The following HSD17B4 variants were observed in gnomAD, a reference collection of about 807,000 sequenced individuals.
HSD17B4 encodes peroxisomal multifunctional enzyme type 2.
In HSD17B4, 70 loss-of-function variants were observed where a neutral mutation model predicts 101.0. That is an observed-to-expected ratio of 0.69 (90% CI 0.57 to 0.85). The LOEUF is 0.85. Ranked by LOEUF, HSD17B4 falls within the 40% of genes least tolerant of loss-of-function variation. HSD17B4 has a pLI of 0.00. For missense variants in HSD17B4, 984 were observed against 892.4 expected (o/e 1.10, Z -1.31); for synonymous variants, 347 against 297.1 (o/e 1.17, Z -1.73).
chr5:119,485,738 T>G (rs1749560219), intron 8 of HSD17B4, among the ~76,000 whole-genome samples: 1 of 152,184 alleles, frequency 6.6e-6, no homozygotes, highest in African/African-American at 2.4e-5. Flanking sequence ...TGAAAAATAA[T>G]GTGTATAACT....
At chr5:119,531,512 G>T (rs1013472481) in intron 22 of HSD17B4, 108 bp downstream of exon 22, 2 of 1,150,746 alleles carry the variant, frequency 1.7e-6, no homozygotes, top group Non-Finnish European at 1.3e-6. Flanking sequence ...ACCTTTTTAG[G>T]TAAGTTTTTT....
At chr5:119,535,177 G>A (rs1442658404) in intron 22 of HSD17B4, among the ~76,000 whole-genome samples, 2 of 151,864 alleles carry the variant, frequency 1.3e-5, no homozygotes, top group African/African-American at 4.8e-5. Context: ...TATGCTACTA[G>A]CATTTTCTAA....
At chr5:119,489,129 A>G in intron 8 of HSD17B4, 63 bp from the exon 9 acceptor site, 2 of 1,121,788 alleles carry the variant, frequency 1.8e-6, no homozygotes, top group East Asian at 2.4e-5. Context: ...CTATAATTTT[A>G]TAAGTAAGAA....
rs1754064348 is a variant in HSD17B4, at chr5:119,531,208, T to C, written c.1855-58T>C. 2.5e-6 allele frequency: 4 copies of C among 1,577,148 alleles called. 1 individual carries two copies. The highest frequency in any genetic ancestry group is 3.5e-6 in the Non-Finnish European group (4 of 1,147,160). ...TTTTTTGCACATGTTTTATAATCAC[T>C]TTTCTCCATGAGTTATTTTTACAGA... On this transcript the variant is annotated intron_variant, in intron 21 of 23. Transcript: ENST00000510025.
chr5:119,455,583 T>TATATATATAA (rs977188974), intron 1 of HSD17B4, among the ~76,000 whole-genome samples: 1 of 150,598 alleles, frequency 6.6e-6, no homozygotes, highest in African/African-American at 2.4e-5. Context: ...TATATATATA[T>TATATATATAA]AATTTCTTTT....
intron 11 of HSD17B4, among the ~76,000 whole-genome samples, chr5:119,494,738 G>A (rs542539952): frequency 1.3e-5 from 2 of 152,196 alleles, no homozygotes; most frequent in East Asian, 3.9e-4. Flanking sequence ...ACTGTATCTT[G>A]TTTGTACTTC....
At chr5:119,462,494 C>G (rs1295293747) in intron 2 of HSD17B4, among the ~76,000 whole-genome samples, 1 of 151,802 alleles carries the variant, frequency 6.6e-6, no homozygotes, top group Non-Finnish European at 1.5e-5. Flanking sequence ...AAAAAGCTAT[C>G]TGGAGATTAA....
At chr5:119,514,344 A>AC (rs1377062588) in intron 16 of HSD17B4, among the ~76,000 whole-genome samples, 23 of 152,344 alleles carry the variant, frequency 1.5e-4, no homozygotes, top group African/African-American at 5.5e-4. Flanking sequence ...TGGAAAATTT[A>AC]CTTAAATTAT....
rs28943589 is a variant in HSD17B4 at position 119,477,487 on chromosome 5, A to T, written c.420A>T (p.Lys140Asn). The T allele has an allele frequency of 4.6e-3, 7,378 of 1,612,142 alleles. 180 individuals carry two copies. The African/African-American group carries it at 0.067, about 15-fold the overall frequency. ...GGGCAGCATGGGAACACATGAAGAA[A>T]CAGAAGTATGGAAGGTAGAGTTGCA... ...VTRAAWEHMK[K>N]QKYGRIIMTS... The change falls in exon 7 of 24, where the codon AAA becomes AAT. Residue 140 changes from lysine to asparagine, a missense_variant. By Grantham distance (94) the Lys-to-Asn change is moderately conservative (BLOSUM62 0). Transcript: ENST00000510025.
chr5:119,507,795 A>G (rs1444133246), intron 15 of HSD17B4, among the ~76,000 whole-genome samples: 2 of 151,908 alleles, frequency 1.3e-5, no homozygotes, highest in Non-Finnish European at 2.9e-5. Flanking sequence ...AAAAAAAAAA[A>G]AAATTTGTAC....
intron 9 of HSD17B4, among the ~76,000 whole-genome samples, chr5:119,489,517 G>C (rs1013898992): frequency 1.3e-5 from 2 of 152,128 alleles, no homozygotes; most frequent in Admixed American, 1.3e-4. Context: ...GGTTTGATCT[G>C]TTCGGTCAAA....
intron 4 of HSD17B4, among the ~76,000 whole-genome samples, chr5:119,475,032 A>G (rs970672997): frequency 2.0e-5 from 3 of 152,110 alleles, no homozygotes; most frequent in Non-Finnish European, 1.5e-5. Flanking sequence ...CATGTTTACA[A>G]TCTGAAAAAC....
At chr5:119,528,719 T>G (rs1753810789) in intron 20 of HSD17B4, among the ~76,000 whole-genome samples, 1 of 152,162 alleles carries the variant, frequency 6.6e-6, no homozygotes, top group Admixed American at 6.6e-5. Context: ...ATAATTTCTA[T>G]GGATACAAAC....
chr5:119,519,338 C>T (rs887483655), intron 17 of HSD17B4, among the ~76,000 whole-genome samples: 2 of 152,186 alleles, frequency 1.3e-5, no homozygotes, highest in African/African-American at 4.8e-5. Flanking sequence ...TTATACTATA[C>T]ATATCCTATT....
chr5:119,536,271 A>G (rs1049793055), intron 22 of HSD17B4, 152 bp from the exon 23 acceptor site: 3 of 716,556 alleles, frequency 4.2e-6, no homozygotes, highest in Non-Finnish European at 7.1e-6. Context: ...TCTAAATGAC[A>G]GATAATGTAT....
chr5:119,541,940 C>T lies in HSD17B4; in HGVS notation c.2157C>T (p.Asn719=), dbSNP rs1488694166. 6.2e-7 allele frequency: 1 copy of T among 1,613,102 alleles called. No individual in the cohort carries two copies. The highest frequency in any genetic ancestry group is 1.1e-5 in the South Asian group (1 of 91,050). ...FFSGRLKARG[N]IMLSQKLQMI... ...GTGGCAGGCTGAAGGCCAGAGGGAA[C>T]ATCATGCTGAGCCAGAAACTTCAGA... The change falls in exon 24 of 24, where the codon AAC becomes AAT. Residue 719 remains asparagine (N), a synonymous_variant. Coordinates refer to ENST00000510025, the MANE Select transcript of HSD17B4 (RefSeq NM_000414.4).
At chr5:119,514,163 T>G (rs560287678) in intron 16 of HSD17B4, among the ~76,000 whole-genome samples, 152 of 152,348 alleles carry the variant, frequency 1.0e-3, no homozygotes, top group Non-Finnish European at 1.6e-3. Flanking sequence ...AACGGCAGCC[T>G]GACTTTTGTT....
intron 9 of HSD17B4, among the ~76,000 whole-genome samples, chr5:119,490,450 A>G (rs1191379107): frequency 6.6e-6 from 1 of 152,214 alleles, no homozygotes; most frequent in African/African-American, 2.4e-5. Context: ...TCGAATATAT[A>G]AGACCATATA....
Position 119,492,080 on chromosome 5 carries a change from T to A in HSD17B4, c.715-20T>A, listed in dbSNP as rs1561456339. 1 of 1,600,952 alleles carries A rather than the reference T, an allele frequency of 6.2e-7. No individual in the cohort carries two copies. Among genetic ancestry groups the A allele is most frequent in the Admixed American group, 1.7e-5 (1 of 59,972 alleles). On this transcript the variant is annotated intron_variant, in intron 9 of 23. Transcript: ENST00000510025. ...GATTTCACATTAGATGGTATAATGT[T>A]TTCCCCCTCTTTTTGGTAGGTTGGA...
Sources: allele counts gnomAD v4.1 joint callset (sites outside exome capture counted in the v4.1 genomes callset), GRCh38; gene constraint gnomAD v4.1.1; transcripts MANE v1.5; gene names NCBI Gene and HGNC (gene_info 2026-07-23, HGNC 2026-07-21).